The following DGKA variants were observed in gnomAD, a reference collection of about 807,000 sequenced individuals.
DGKA encodes diacylglycerol kinase alpha.
In DGKA, 35 loss-of-function variants were observed where a neutral mutation model predicts 105.0. That is an observed-to-expected ratio of 0.33 (90% CI 0.25 to 0.44). The LOEUF is 0.44. Ranked by LOEUF, DGKA falls within the 20% of genes least tolerant of loss-of-function variation. The probability of loss-of-function intolerance (pLI) is 1.00; values close to 1 mark genes in which losing one functional copy is unlikely to be tolerated. For synonymous variants in DGKA, 296 were observed against 332.0 expected (o/e 0.89, Z 1.18); for missense variants, 665 against 915.0 (o/e 0.73, Z 3.53).
At chr12:55,942,653 C>T (rs1182084054) in intron 17 of DGKA, 2 of 246,162 alleles carry the variant, frequency 8.1e-6, no homozygotes, top group Admixed American at 4.9e-5. Context: ...AACAATTAAC[C>T]AGGTAGTCAT....
At position 55,952,411 on chromosome 12, in the gene DGKA, G is replaced by A. The variant is rs1888347272; in HGVS notation, c.1723G>A (p.Glu575Lys). The A allele has an allele frequency of 1.2e-6, 2 of 1,614,028 alleles. No homozygotes were observed. The highest frequency in any genetic ancestry group is 2.2e-5 in the South Asian group (2 of 91,088). The change falls in exon 20 of 24, where the codon GAG (glutamate) becomes AAG (lysine). Residue 575 changes from glutamate (E) to lysine (K), a missense_variant. By Grantham distance (56) the Glu-to-Lys change is moderately conservative. This residue lies in a region of DGKA where 158 missense variants were observed against 213.4 expected (regional missense o/e 0.74). Transcript: ENST00000331886. The surrounding 1 kb of genome is among the most constrained non-coding windows in gnomAD (Gnocchi z 5.1). Reference sequence around the variant, plus strand: ...CATCTTCTCAACATGCAAAAAGCTGGAGGAGTCTTTGACAGTTGAGGTGTG... The same window carrying A: ...CATCTTCTCAACATGCAAAAAGCTGAAGGAGTCTTTGACAGTTGAGGTGTG... ...ESIFSTCKKL[E>K]ESLTVEICGK...
intron 1 of DGKA, among the ~76,000 whole-genome samples, chr12:55,935,033 C>A (rs1386685892): frequency 1.3e-5 from 2 of 152,198 alleles, no homozygotes; most frequent in East Asian, 3.9e-4. Flanking sequence ...AGAGGCACTA[C>A]CACATGGCCT....
At chr12:55,948,909 G>A (rs1052911163) in intron 17 of DGKA, among the ~76,000 whole-genome samples, 2 of 152,094 alleles carry the variant, frequency 1.3e-5, no homozygotes, top group East Asian at 3.9e-4. Flanking sequence ...TGTAATCCCA[G>A]CTACTTGGGA....
chr12:55,938,268 C>T lies in DGKA; in HGVS notation c.349+216C>T, dbSNP rs1172488518. 1.2e-5 allele frequency: 8 copies of T among 667,610 alleles called. No homozygotes were observed. The East Asian group carries it at 2.2e-4, about 18-fold the overall frequency. 41.4% of individuals were successfully genotyped at this position (667,610 alleles called of 1,614,324 possible). A position where few individuals can be genotyped will look rare whatever the true frequency, so the allele number is the denominator to read the frequency against. On this transcript the variant is annotated intron_variant, in intron 5 of 23. Transcript: ENST00000331886. ...CCAGTACCCATGTCTTGTGCATTCC[C>T]ATGTAGGCGGCCTAGGATGTCCTTG...
In DGKA at chr12:55,938,532, C is replaced by T. The variant is rs371312047; in HGVS notation, c.371C>T (p.Thr124Met). 112 of 1,614,112 alleles carry T rather than the reference C, an allele frequency of 6.9e-5. No individual in the cohort carries two copies. The highest frequency in any genetic ancestry group is 6.5e-4 in the East Asian group (29 of 44,882). ...KLEFTFKLYD[T>M]DRNGILDSSE... ...ACAGTCACCTTCAAGCTGTACGACACGGACAGAAATGGGATCCTGGACAGC... is the reference window on the plus strand; with the variant it reads ...ACAGTCACCTTCAAGCTGTACGACATGGACAGAAATGGGATCCTGGACAGC... Residue 124 changes from threonine to methionine, a missense_variant, in exon 6 of 24, where the codon ACG becomes ATG. Physicochemically the swap from Thr to Met is moderately conservative, Grantham distance 81. Coordinates refer to ENST00000331886, the MANE Select transcript of DGKA (RefSeq NM_001345.5).
Position 55,932,568 on chromosome 12 carries a change from G to T in DGKA, c.-82+1224G>T, listed in dbSNP as rs1273766137. On this transcript the variant is annotated intron_variant, in intron 1 of 23. Transcript: ENST00000331886. The surrounding 1 kb of genome is among the most constrained non-coding windows in gnomAD (Gnocchi z 4.3). Reference sequence around the variant, plus strand: ...CACTTTTCACCTTGATAGGAGAAATGAGCCTTCCTGAGGAAGAATGGCAAA... The same window carrying T: ...CACTTTTCACCTTGATAGGAGAAATTAGCCTTCCTGAGGAAGAATGGCAAA... The T allele has an allele frequency of 1.4e-6, 1 of 702,292 alleles. No homozygotes were observed. The highest frequency in any genetic ancestry group is 2.6e-6 in the Non-Finnish European group (1 of 384,822). 43.5% of individuals were successfully genotyped at this position (702,292 alleles called of 1,614,324 possible).
At chr12:55,941,066 G>C in intron 13 of DGKA, 86 bp downstream of exon 13, 1 of 1,452,706 alleles carries the variant, frequency 6.9e-7, no homozygotes, top group Non-Finnish European at 9.5e-7. Context: ...GGGAGAGCCT[G>C]GTGGGGAGCG....
chr12:55,952,625 C>T lies in DGKA; in HGVS notation c.1744-109C>T. Reference sequence around the variant, plus strand: ...TCCATTCCTTGCACACCTCCAAATCCTGCCTTCTCCAGTTTGTCATCTGGT... The same window carrying T: ...TCCATTCCTTGCACACCTCCAAATCTTGCCTTCTCCAGTTTGTCATCTGGT... On this transcript the variant is annotated intron_variant, in intron 20 of 23. Transcript: ENST00000331886. This position sits in a 1 kb window ranked among gnomAD's most constrained non-coding sequence, Gnocchi z 5.1. The T allele has an allele frequency of 1.1e-5, 15 of 1,376,900 alleles. No homozygotes were observed. The highest frequency in any genetic ancestry group is 1.5e-5 in the Non-Finnish European group (15 of 978,174). The allele number at this position is 1,376,900 out of a possible 1,614,324, so 85.3% of individuals were successfully genotyped here.
intron 14 of DGKA, 64 bp downstream of exon 14, chr12:55,941,389 G>A: frequency 1.9e-6 from 3 of 1,592,074 alleles, no homozygotes. Context: ...CACTTAGAAG[G>A]TGGAAGGGGA....
In DGKA at chr12:55,940,583, G is replaced by C. The variant is rs746728701; in HGVS notation, c.919-41G>C. 1 of 1,556,060 alleles carries C rather than the reference G, an allele frequency of 6.4e-7. No homozygotes were observed. The highest frequency in any genetic ancestry group is 8.7e-7 in the Non-Finnish European group (1 of 1,152,808). ...AGACTGCCAGGTTGAGAGGAGACAG[G>C]GTTACCTTCGTGATCTCTCTGTGCC... On this transcript the variant is annotated intron_variant, in intron 11 of 23. Transcript: ENST00000331886. The surrounding 1 kb of genome is among the most constrained non-coding windows in gnomAD (Gnocchi z 4.3).
intron 17 of DGKA, among the ~76,000 whole-genome samples, chr12:55,945,078 G>A (rs898395938): frequency 3.9e-5 from 6 of 152,180 alleles, no homozygotes; most frequent in Non-Finnish European, 7.4e-5. Flanking sequence ...GGGATTATAT[G>A]CGTGAGCCAC....
intron 17 of DGKA, among the ~76,000 whole-genome samples, chr12:55,948,112 A>G (rs985225593): frequency 1.3e-5 from 2 of 151,546 alleles, no homozygotes; most frequent in African/African-American, 4.8e-5. Context: ...TTAATAGTAA[A>G]ATGTTCATGC....
Position 55,953,135 on chromosome 12 carries a change from GC to G in DGKA, c.2040del (p.Lys681SerfsTer54). Reference sequence around the variant, plus strand: ...GCTCAAGAATGCTGGACGTCGGCTGGCCAAGTGCTCTGAGATCACCTTCCAG... The same window carrying G: ...GCTCAAGAATGCTGGACGTCGGCTGGCAAGTGCTCTGAGATCACCTTCCAG... ...TKLKNAGRRL[A>X]KCSEITFHTT... On this transcript the variant is annotated frameshift_variant, in exon 22 of 24. Coordinates refer to ENST00000331886, the MANE Select transcript of DGKA (RefSeq NM_001345.5). LOFTEE classifies it high-confidence loss of function. 6.2e-7 allele frequency: 1 copy of G among 1,614,056 alleles called. No individual in the cohort carries two copies. Among genetic ancestry groups the G allele is most frequent in the East Asian group, 2.2e-5 (1 of 44,882 alleles).
Position 55,951,822 on chromosome 12 carries a change from G to A in DGKA, c.1587+39G>A. On this transcript the variant is annotated intron_variant, in intron 18 of 23. Transcript: ENST00000331886. ...GGCCTGGGGAGAAGGGAGAAAGGGG[G>A]GGCCAAGCAGTCAGAGGCTGGAGGA... is the stretch of plus-strand genomic sequence containing the variant. 3.1e-6 allele frequency: 5 copies of A among 1,603,416 alleles called. No individual in the cohort carries two copies. The South Asian group carries it at 3.3e-5, about 11-fold the overall frequency.
chr12:55,949,630 A>G (rs1486976780), intron 17 of DGKA, among the ~76,000 whole-genome samples: 2 of 152,234 alleles, frequency 1.3e-5, no homozygotes, highest in Non-Finnish European at 2.9e-5. Context: ...ACTCATTAGC[A>G]TTTGGTTTTC....
rs139140921 is a variant in DGKA at position 55,947,185 on chromosome 12, G to A, written c.1427-4438G>A. ...TTTTTAGTAGAGATGGGGTTTCTCC[G>A]TGTTGGTCAGGCTGGTCTCGAACTC... On this transcript the variant is annotated intron_variant, in intron 17 of 23. Coordinates refer to ENST00000331886, the MANE Select transcript of DGKA (RefSeq NM_001345.5). 6.9e-3 allele frequency among the ~76,000 whole-genome samples: 1,050 copies of A among 151,480 alleles called. 15 individuals carry two copies. Among genetic ancestry groups the A allele is most frequent in the African/African-American group, 0.022 (924 of 41,270 alleles).
Position 55,940,794 on chromosome 12 carries a change from T to G in DGKA, c.1017+72T>G, listed in dbSNP as rs767153003. On this transcript the variant is annotated intron_variant, in intron 12 of 23. Coordinates refer to ENST00000331886, the MANE Select transcript of DGKA (RefSeq NM_001345.5). The surrounding 1 kb of genome is among the most constrained non-coding windows in gnomAD (Gnocchi z 4.3). ...ATTTCCCACACGCACAGAGTGGCATTTAGAATAGAGAGCTCATACTTTTAG... is the reference window on the plus strand; with the variant it reads ...ATTTCCCACACGCACAGAGTGGCATGTAGAATAGAGAGCTCATACTTTTAG... The G allele has an allele frequency of 1.9e-6, 3 of 1,595,298 alleles. No individual in the cohort carries two copies. The African/African-American group carries it at 4.0e-5, about 21-fold the overall frequency.
Position 55,932,210 on chromosome 12 carries a change from T to G in DGKA, c.-82+866T>G. ...GGAAGCCGAGGACCCACGGGCTGCG[T>G]TCGTGCTGCTGGGTCGGGAAGGAGG... On this transcript the variant is annotated intron_variant, in intron 1 of 23. Coordinates refer to ENST00000331886, the MANE Select transcript of DGKA (RefSeq NM_001345.5). The surrounding 1 kb of genome is among the most constrained non-coding windows in gnomAD (Gnocchi z 4.3). 1 of 302,222 alleles carries G rather than the reference T, an allele frequency of 3.3e-6. No homozygotes were observed. Among genetic ancestry groups the G allele is most frequent in the Non-Finnish European group, 6.5e-6 (1 of 154,038 alleles). 18.7% of individuals were successfully genotyped at this position (302,222 alleles called of 1,614,324 possible).
Position 55,952,655 on chromosome 12 carries a change from G to A in DGKA, c.1744-79G>A. The A allele has an allele frequency of 6.6e-7, 1 of 1,514,454 alleles. No individual in the cohort carries two copies. The highest frequency in any genetic ancestry group is 9.1e-7 in the Non-Finnish European group (1 of 1,096,080). 93.8% of individuals were successfully genotyped at this position (1,514,454 alleles called of 1,614,324 possible). A position where few individuals can be genotyped will look rare whatever the true frequency, so the allele number is the denominator to read the frequency against. Reference sequence around the variant, plus strand: ...TTCTCCAGTTTGTCATCTGGTGGAGGGAGCGATCACATCTATGATCATGCC... The same window carrying A: ...TTCTCCAGTTTGTCATCTGGTGGAGAGAGCGATCACATCTATGATCATGCC... On this transcript the variant is annotated intron_variant, in intron 20 of 23. Transcript: ENST00000331886. This position sits in a 1 kb window ranked among gnomAD's most constrained non-coding sequence, Gnocchi z 5.1.
Sources: gnomAD v4.1 joint callset for allele counts (sites outside exome capture counted in the v4.1 genomes callset) on GRCh38, gnomAD v4.1.1 for gene constraint, gnomAD v4.1.1 regional missense constraint, Gnocchi (gnomAD v3.1) non-coding constraint, MANE v1.5 for transcripts, NCBI Gene and HGNC (gene_info 2026-07-23, HGNC 2026-07-21) for gene names.